ZNF429: variants seen among roughly 807,000 people sequenced by gnomAD.
ZNF429 encodes the protein zinc finger protein 429.
In ZNF429, 53 loss-of-function variants were observed where a neutral mutation model predicts 56.8. The ratio of observed to expected loss-of-function variants is 0.93; its 90% CI spans 0.75 to 1.17. ZNF429 has a LOEUF of 1.17. Among genes scored for constraint, ZNF429 ranks in the 50% most tolerant of loss-of-function variants. The pLI is 0.00. For synonymous variants in ZNF429, 278 were observed against 264.7 expected, an observed-to-expected ratio of 1.05 and a Z score of -0.49; for missense variants, 849 against 788.4, an observed-to-expected ratio of 1.08 and a Z score of -0.92.
chr19:21,520,981 TGAAATATAG>T lies in ZNF429; in HGVS notation c.4-8676_4-8668del, dbSNP rs1163835516. ...ACTTCAATATTGTTCTTTTTACTTT[TGAAATATAG>T]TGTTTTAACTGAATTATGGTTACAG... On this transcript the variant is annotated intron_variant, in intron 1 of 3. Transcript: ENST00000358491. 6.6e-5 allele frequency among the ~76,000 whole-genome samples: 10 copies of T among 152,338 alleles called. No individual in the cohort carries two copies. In the East Asian group the frequency reaches 1.9e-3, roughly 29 times the overall value.
chr19:21,521,478 A>G (rs539682686), intron 1 of ZNF429: 9 of 152,324 alleles, frequency 5.9e-5, no homozygotes, highest in African/African-American at 1.9e-4. Context: ...TTTTCTTCAT[A>G]ATGCTCATGT....
rs894460455 is a variant in ZNF429 at position 21,538,325 on chromosome 19, T to C, written c.*247T>C. 1.1e-4 allele frequency among the ~76,000 whole-genome samples: 14 copies of C among 131,822 alleles called. No homozygotes were observed. Among genetic ancestry groups the C allele is most frequent in the Admixed American group, 9.7e-4 (12 of 12,370 alleles). 86.5% of individuals were successfully genotyped at this position (131,822 alleles called of 152,430 possible). On this transcript the variant is annotated 3_prime_UTR_variant, in exon 4 of 4. Transcript: ENST00000358491. The stretch of plus-strand genomic sequence containing the variant: ...GAAAAGAAAATTCATAGGCCAGGTA[T>C]GGTGGCTCATGCCTGCCTGTAATCC...
chr19:21,510,280 AGAAGG>A (rs2032388518), intron 1 of ZNF429, among the ~76,000 whole-genome samples: 1 of 152,160 alleles, frequency 6.6e-6, no homozygotes, highest in African/African-American at 2.4e-5. Flanking sequence ...GCATGTTCTT[AGAAGG>A]GAAGTAGAAT....
At chr19:21,531,813 G>GAA in intron 3 of ZNF429, among the ~76,000 whole-genome samples, 21 of 115,674 alleles carry the variant, frequency 1.8e-4, no homozygotes, top group African/African-American at 4.4e-4. Flanking sequence ...CTCAAAAAAA[G>GAA]AAAAAAAAAA....
intron 1 of ZNF429, among the ~76,000 whole-genome samples, chr19:21,522,145 C>T (rs1041489280): frequency 6.6e-6 from 1 of 152,222 alleles, no homozygotes; most frequent in African/African-American, 2.4e-5. Context: ...CCAGCCATTT[C>T]TGCAGGAGAG....
At chr19:21,530,526 A>T in intron 2 of ZNF429, 63 bp from the exon 3 acceptor site, 5 of 1,190,640 alleles carry the variant, frequency 4.2e-6, no homozygotes, top group Non-Finnish European at 5.9e-6. Context: ...TACTGAGCAC[A>T]TTACTAAATT....
intron 1 of ZNF429, among the ~76,000 whole-genome samples, chr19:21,510,133 T>G (rs1320449511): frequency 6.6e-6 from 1 of 152,104 alleles, no homozygotes; most frequent in Non-Finnish European, 1.5e-5. Context: ...GGTCTCGAAG[T>G]CCTTACCTCA....
chr19:21,535,412 TTTTCTTTCTTTC>T, intron 3 of ZNF429, among the ~76,000 whole-genome samples: 981 of 55,246 alleles, frequency 0.018, 55 homozygotes, highest in East Asian at 0.048. Flanking sequence ...TTTCTTTTTC[TTTTCTTTCTTTC>T]TTTCTTTCTT....
At chr19:21,535,480 C>CT in intron 3 of ZNF429, among the ~76,000 whole-genome samples, 3 of 55,988 alleles carry the variant, frequency 5.4e-5, no homozygotes, top group African/African-American at 2.2e-4. Flanking sequence ...TTCTTTCTTT[C>CT]TTTCTTTCTT....
At chr19:21,509,354 T>C (rs1248551708) in intron 1 of ZNF429, among the ~76,000 whole-genome samples, 3 of 152,350 alleles carry the variant, frequency 2.0e-5, no homozygotes, top group African/African-American at 4.8e-5. Flanking sequence ...AAGGAATAGA[T>C]ACTTTTGCTT....
chr19:21,536,992 C>T lies in ZNF429; in HGVS notation c.939C>T (p.Tyr313=). The T allele has an allele frequency of 6.2e-7, 1 of 1,613,918 alleles. No individual in the cohort carries two copies. Among genetic ancestry groups the T allele is most frequent in the Non-Finnish European group, 8.5e-7 (1 of 1,179,920 alleles). Residue 313 remains tyrosine, a synonymous_variant, in exon 4 of 4, where the codon TAC becomes TAT. Coordinates refer to ENST00000358491, the MANE Select transcript of ZNF429 (RefSeq NM_001001415.4). ...TAATTCATACTGAAGAGAAACCCTACAAATGTAAAGAATGTGGCAAAGCCT... is the reference window on the plus strand; with the variant it reads ...TAATTCATACTGAAGAGAAACCCTATAAATGTAAAGAATGTGGCAAAGCCT... ...HKIIHTEEKP[Y]KCKECGKAFN...
At chr19:21,514,596 TA>T (rs543081730) in intron 1 of ZNF429, among the ~76,000 whole-genome samples, 160 of 152,120 alleles carry the variant, frequency 1.1e-3, no homozygotes, top group African/African-American at 3.7e-3. Flanking sequence ...CACATATATA[TA>T]TTTTTTTATT....
intron 1 of ZNF429, chr19:21,529,440 T>A: frequency 4.5e-6 from 4 of 890,706 alleles, no homozygotes; most frequent in Non-Finnish European, 5.4e-6. Context: ...GTTGTGGATC[T>A]TATGCCACTA....
chr19:21,522,761 A>T (rs1213537686), intron 1 of ZNF429, among the ~76,000 whole-genome samples: 1 of 152,048 alleles, frequency 6.6e-6, no homozygotes, highest in Non-Finnish European at 1.5e-5. Flanking sequence ...GCCGGGCATG[A>T]TGGCAGGTGC....
chr19:21,517,151 A>G (rs957159604), intron 1 of ZNF429, among the ~76,000 whole-genome samples: 1 of 152,164 alleles, frequency 6.6e-6, no homozygotes, highest in Non-Finnish European at 1.5e-5. Context: ...AACATGAAGA[A>G]TGTTACATTT....
intron 1 of ZNF429, 185 bp downstream of exon 1, chr19:21,505,959 C>G (rs548720075): frequency 1.8e-6 from 1 of 550,522 alleles, no homozygotes; most frequent in African/African-American, 1.9e-5. Flanking sequence ...CAGCCGGGCC[C>G]CGGGCGTCCT....
chr19:21,528,657 A>G (rs1363995396), intron 1 of ZNF429, among the ~76,000 whole-genome samples: 2 of 152,082 alleles, frequency 1.3e-5, no homozygotes, highest in African/African-American at 2.4e-5. Context: ...GTGAGCCGAA[A>G]TTGTGCCATT....
intron 1 of ZNF429, among the ~76,000 whole-genome samples, chr19:21,519,311 C>A (rs750896486): frequency 2.5e-4 from 38 of 152,102 alleles, no homozygotes; most frequent in Non-Finnish European, 4.0e-4. Flanking sequence ...AGAAGAGAAA[C>A]AAATTTTCCT....
intron 1 of ZNF429, among the ~76,000 whole-genome samples, chr19:21,513,238 T>C (rs982631708): frequency 4.6e-5 from 7 of 152,212 alleles, no homozygotes; most frequent in African/African-American, 1.7e-4. Context: ...TAGAGAATTT[T>C]ATTAATCACA....
Sources: gnomAD v4.1 joint callset for allele counts (sites outside exome capture counted in the v4.1 genomes callset) on GRCh38, gnomAD v4.1.1 for gene constraint, MANE v1.5 for transcripts, NCBI Gene and HGNC (gene_info 2026-07-23, HGNC 2026-07-21) for gene names.